Variants in DMXL2 observed in about 807,000 individuals in gnomAD.
DMXL2 encodes the protein Dmx like 2, also known as dmX-like protein 2.
A neutral mutation model predicts 331.1 loss-of-function variants in DMXL2; 103 were observed. The observed-to-expected ratio is 0.31, with a 90% CI of 0.27 to 0.37. DMXL2 has a LOEUF of 0.37. DMXL2 is among the 10% of genes least tolerant of loss of function. The pLI is 1.00. For synonymous variants in DMXL2, 1,281 were observed against 1,252.1 expected (o/e 1.02, Z -0.49); for missense variants, 3,171 against 3,642.9 (o/e 0.87, Z 3.33).
chr15:51,451,498 T>G (rs950513216), intron 42 of DMXL2, 147 bp downstream of exon 42: 1 of 645,274 alleles, frequency 1.5e-6, no homozygotes, highest in Non-Finnish European at 2.6e-6. Context: ...ACTTTCCAAA[T>G]TTTTAGTCAT....
chr15:51,470,745 C>T (rs998616355), intron 29 of DMXL2, among the ~76,000 whole-genome samples: 1 of 152,136 alleles, frequency 6.6e-6, no homozygotes, highest in Non-Finnish European at 1.5e-5. Flanking sequence ...TGGGGCTATA[C>T]CAGATCTAGT....
intron 30 of DMXL2, 21 bp downstream of exon 30, chr15:51,466,159 TGAGA>T: frequency 6.6e-7 from 1 of 1,505,024 alleles, no homozygotes; most frequent in Admixed American, 2.4e-5. Context: ...AAAAAAAAAA[TGAGA>T]GAAAGAAAAG....
At chr15:51,456,736 A>G (rs888781072) in intron 37 of DMXL2, among the ~76,000 whole-genome samples, 1 of 152,250 alleles carries the variant, frequency 6.6e-6, no homozygotes, top group Non-Finnish European at 1.5e-5. Flanking sequence ...GCTTTCAAGC[A>G]CTTAGAAGTA....
At chr15:51,550,374 A>G (rs1424971916) in intron 6 of DMXL2, among the ~76,000 whole-genome samples, 1 of 152,142 alleles carries the variant, frequency 6.6e-6, no homozygotes, top group East Asian at 1.9e-4. Flanking sequence ...TTTTAATTAT[A>G]AATTGACAAC....
intron 13 of DMXL2, among the ~76,000 whole-genome samples, chr15:51,523,463 G>A (rs1259925549): frequency 6.6e-6 from 1 of 152,228 alleles, no homozygotes; most frequent in Non-Finnish European, 1.5e-5. Flanking sequence ...GATCAGAGTA[G>A]TGGGTTAAAT....
chr15:51,595,601 T>C (rs932008502), intron 1 of DMXL2, among the ~76,000 whole-genome samples: 14 of 152,290 alleles, frequency 9.2e-5, no homozygotes, highest in East Asian at 1.9e-4. Flanking sequence ...AAACAGAGCC[T>C]GCATTGCCAA....
At chr15:51,545,881 A>C in intron 7 of DMXL2, 115 bp from the exon 8 acceptor site, 2 of 778,456 alleles carry the variant, frequency 2.6e-6, no homozygotes, top group Non-Finnish European at 4.1e-6. Flanking sequence ...TATGGAAAAA[A>C]GGAATCAATC....
chr15:51,486,043 GA>G (rs745319071), intron 23 of DMXL2, 29 bp downstream of exon 23: 10 of 1,530,200 alleles, frequency 6.5e-6, no homozygotes, highest in Middle Eastern at 1.7e-4. Context: ...CTTTAAAAAA[GA>G]AAAAAAAGAA....
Position 51,552,968 on chromosome 15 carries a change from G to A in DMXL2, c.568-5560C>T, listed in dbSNP as rs74013301. On this transcript the variant is annotated intron_variant, in intron 6 of 43. Coordinates refer to ENST00000560891, the MANE Select transcript of DMXL2 (RefSeq NM_001378457.1). ...TTCAGAGCATTTGCACTTGGTGTTTGTTCCCTTGGCCAAAAACACTCTTTC... is the reference window on the plus strand; with the variant it reads ...TTCAGAGCATTTGCACTTGGTGTTTATTCCCTTGGCCAAAAACACTCTTTC... Among the ~76,000 whole-genome samples, 1,079 of 151,712 alleles carry A rather than the reference G, an allele frequency of 7.1e-3. 16 individuals are homozygous for A. Among genetic ancestry groups the A allele is most frequent in the African/African-American group, 0.025 (1,036 of 41,352 alleles).
At chr15:51,528,863 C>T (rs1190786515) in intron 13 of DMXL2, among the ~76,000 whole-genome samples, 1 of 152,166 alleles carries the variant, frequency 6.6e-6, no homozygotes, top group South Asian at 2.1e-4. Flanking sequence ...CGTTAGGTCA[C>T]AAAACAAGTC....
At chr15:51,527,102 C>T (rs1026158533) in intron 13 of DMXL2, among the ~76,000 whole-genome samples, 1 of 152,108 alleles carries the variant, frequency 6.6e-6, no homozygotes, top group African/African-American at 2.4e-5. Context: ...AATAATCAAA[C>T]TCCCAAAAGT....
At chr15:51,478,416 T>G (rs768246426) in intron 25 of DMXL2, 69 bp from the exon 26 acceptor site, 87 of 1,389,618 alleles carry the variant, frequency 6.3e-5, no homozygotes, top group Non-Finnish European at 8.6e-5. Context: ...TTTCAAAAAT[T>G]AGAAAACATC....
chr15:51,608,067 C>T (rs1335068923), intron 1 of DMXL2, among the ~76,000 whole-genome samples: 2 of 152,088 alleles, frequency 1.3e-5, no homozygotes, highest in Non-Finnish European at 2.9e-5. Context: ...CACCTGTAAT[C>T]CCAGCTACTT....
At chr15:51,459,824 T>TAAAC in intron 33 of DMXL2, 164 bp from the exon 34 acceptor site, 1 of 1,183,836 alleles carries the variant, frequency 8.4e-7, no homozygotes. Context: ...AGTCATCAAA[T>TAAAC]AAACACAACA....
chr15:51,554,738 G>A (rs573205895), intron 6 of DMXL2, among the ~76,000 whole-genome samples: 13 of 152,188 alleles, frequency 8.5e-5, no homozygotes, highest in Non-Finnish European at 1.5e-4. Context: ...AAGCAGTGAC[G>A]AGAGTCCTGG....
intron 42 of DMXL2, 91 bp from the exon 43 acceptor site, chr15:51,450,437 C>T: frequency 8.4e-7 from 1 of 1,190,124 alleles, no homozygotes; most frequent in Non-Finnish European, 1.2e-6. Context: ...ACAGACCTTA[C>T]TGATGCATTT....
chr15:51,458,561 G>A lies in DMXL2; in HGVS notation c.8143C>T (p.Leu2715=). Residue 2715 remains leucine, a synonymous_variant, in exon 36 of 44, where the codon CTG becomes TTG. Transcript: ENST00000560891. The part of the protein sequence containing the change: ...DVQELDVTSL[L]ACQSYIWIGE... The stretch of plus-strand genomic sequence containing the variant: ...ATCCATATGTATGACTGACAGGCCA[G>A]TAGAGAAGTAACATCAAGTTCTTGA... 1 of 1,613,876 alleles carries A rather than the reference G, an allele frequency of 6.2e-7. No homozygotes were observed. The highest frequency in any genetic ancestry group is 1.3e-5 in the African/African-American group (1 of 75,056).
chr15:51,540,603 A>G (rs1241252794), intron 9 of DMXL2, among the ~76,000 whole-genome samples: 1 of 152,146 alleles, frequency 6.6e-6, no homozygotes, highest in African/African-American at 2.4e-5. Context: ...TATTTGCTGT[A>G]CTATTCTTTC....
At chr15:51,569,359 C>G (rs1002135507) in intron 2 of DMXL2, among the ~76,000 whole-genome samples, 6 of 152,134 alleles carry the variant, frequency 3.9e-5, no homozygotes, top group Non-Finnish European at 8.8e-5. Flanking sequence ...CACAGCTCCC[C>G]GAGACAGAGC....
Sources: allele counts gnomAD v4.1 joint callset (sites outside exome capture counted in the v4.1 genomes callset), GRCh38; gene constraint gnomAD v4.1.1; transcripts MANE v1.5; gene names NCBI Gene and HGNC (gene_info 2026-07-23, HGNC 2026-07-21).